Variants in SYNDIG1 observed in about 807,000 individuals in gnomAD.
SYNDIG1 encodes synapse differentiation-inducing gene protein 1.
A neutral mutation model predicts 19.4 loss-of-function variants in SYNDIG1; 9 were observed. That is an observed-to-expected ratio of 0.46 (90% CI 0.28 to 0.81). The LOEUF is 0.81. Ranked by LOEUF, SYNDIG1 falls within the 30% of genes least tolerant of loss-of-function variation. The pLI, the probability that SYNDIG1 is intolerant of heterozygous loss-of-function variation, is 0.12. For missense variants in SYNDIG1, 311 were observed against 343.3 expected (o/e 0.91, Z 0.74); for synonymous variants, 141 against 145.9 (o/e 0.97, Z 0.24).
chr20:24,489,701 C>T (rs1016662044), intron 1 of SYNDIG1, among the ~76,000 whole-genome samples: 1 of 152,240 alleles, frequency 6.6e-6, no homozygotes, highest in Non-Finnish European at 1.5e-5. Flanking sequence ...ACACTTATAA[C>T]CTGAACAGTA....
chr20:24,576,960 G>A (rs1250405803), intron 2 of SYNDIG1, among the ~76,000 whole-genome samples: 1 of 152,166 alleles, frequency 6.6e-6, no homozygotes, highest in Non-Finnish European at 1.5e-5. Context: ...TTAAAGTGGA[G>A]GGGTTTTGTC....
chr20:24,512,246 A>G (rs1427423575), intron 1 of SYNDIG1, among the ~76,000 whole-genome samples: 1 of 149,336 alleles, frequency 6.7e-6, no homozygotes, highest in Admixed American at 6.7e-5. Context: ...TGCATTTCCA[A>G]CTGAGGTACT....
chr20:24,590,699 G>A (rs1482371889), intron 3 of SYNDIG1, among the ~76,000 whole-genome samples: 1 of 152,148 alleles, frequency 6.6e-6, no homozygotes, highest in Non-Finnish European at 1.5e-5. Flanking sequence ...CACCTGCAGC[G>A]GGGCCTCTCA....
chr20:24,540,335 A>T (rs929208514), intron 1 of SYNDIG1, among the ~76,000 whole-genome samples: 1 of 152,082 alleles, frequency 6.6e-6, no homozygotes, highest in Non-Finnish European at 1.5e-5. Context: ...TATATGTGAG[A>T]TCATACTTCT....
At chr20:24,663,720 T>C (rs1006076811) in intron 3 of SYNDIG1, among the ~76,000 whole-genome samples, 1 of 152,200 alleles carries the variant, frequency 6.6e-6, no homozygotes, top group African/African-American at 2.4e-5. Context: ...AGGGAATGAA[T>C]GCTGCTGGCA....
chr20:24,639,098 A>G (rs1235236768), intron 3 of SYNDIG1, among the ~76,000 whole-genome samples: 3 of 152,194 alleles, frequency 2.0e-5, no homozygotes, highest in Non-Finnish European at 2.9e-5. Context: ...GGCCACACAC[A>G]TTATTATAAT....
At chr20:24,620,766 C>CGTATTT (rs2059025491) in intron 3 of SYNDIG1, among the ~76,000 whole-genome samples, 2 of 152,140 alleles carry the variant, frequency 1.3e-5, no homozygotes, top group Admixed American at 6.5e-5. Context: ...ATACACATAA[C>CGTATTT]GTATTTGTAT....
intron 1 of SYNDIG1, among the ~76,000 whole-genome samples, chr20:24,504,365 G>A (rs377279981): frequency 5.3e-5 from 8 of 152,224 alleles, no homozygotes; most frequent in South Asian, 2.1e-4. Context: ...CAATGAAGTC[G>A]CACATAATAA....
chr20:24,663,274 C>A (rs2059619322), intron 3 of SYNDIG1, among the ~76,000 whole-genome samples: 1 of 152,186 alleles, frequency 6.6e-6, no homozygotes, highest in Non-Finnish European at 1.5e-5. Context: ...ACACCACATT[C>A]CCTAGGTTTC....
At position 24,546,112 on chromosome 20, in the gene SYNDIG1, C is replaced by T. The variant is rs918915009; in HGVS notation, c.480+2535C>T. On this transcript the variant is annotated intron_variant, in intron 2 of 3. Transcript: ENST00000376862. ...CAAGGAGGATTTCAGAGCCTCACCACGGTGGTTAACTTCGTCCTTTTTCTC... is the reference window on the plus strand; with the variant it reads ...CAAGGAGGATTTCAGAGCCTCACCATGGTGGTTAACTTCGTCCTTTTTCTC... 3.9e-5 allele frequency among the ~76,000 whole-genome samples: 6 copies of T among 152,156 alleles called. No individual in the cohort carries two copies. In the South Asian group the frequency reaches 6.2e-4, roughly 16 times the overall value.
chr20:24,558,882 G>A (rs1295744227), intron 2 of SYNDIG1, among the ~76,000 whole-genome samples: 3 of 152,126 alleles, frequency 2.0e-5, no homozygotes, highest in South Asian at 4.1e-4. Context: ...AAATCCAACA[G>A]TAGTGTTACA....
At chr20:24,535,468 C>T (rs904539730) in intron 1 of SYNDIG1, among the ~76,000 whole-genome samples, 1 of 152,170 alleles carries the variant, frequency 6.6e-6, no homozygotes, top group Non-Finnish European at 1.5e-5. Context: ...TTTTAAATTA[C>T]ACATGTCTCT....
At chr20:24,623,176 CAA>C (rs56072016) in intron 3 of SYNDIG1, among the ~76,000 whole-genome samples, 1 of 140,662 alleles carries the variant, frequency 7.1e-6, no homozygotes, top group Non-Finnish European at 1.5e-5. Context: ...AAGACTCCGT[CAA>C]AAAAAAAAAA....
rs577183315 is a variant in SYNDIG1, at chr20:24,567,037, A to G, written c.481-17819A>G. On this transcript the variant is annotated intron_variant, in intron 2 of 3. Transcript: ENST00000376862. ...TGTAGCTCCTTATGGAAGCCCCAAG[A>G]TCACACCTGCCCTCTTCTTGTTGCT... Among the ~76,000 whole-genome samples, 3 of 152,294 alleles carry G rather than the reference A, an allele frequency of 2.0e-5. No homozygotes were observed. In the East Asian group the frequency reaches 5.8e-4, roughly 29 times the overall value.
chr20:24,640,696 A>T (rs2059368064), intron 3 of SYNDIG1, among the ~76,000 whole-genome samples: 1 of 152,210 alleles, frequency 6.6e-6, no homozygotes, highest in African/African-American at 2.4e-5. Context: ...CTAATATGTC[A>T]CCCATAATAC....
At chr20:24,630,984 C>T (rs1411370307) in intron 3 of SYNDIG1, among the ~76,000 whole-genome samples, 2 of 152,240 alleles carry the variant, frequency 1.3e-5, no homozygotes, top group African/African-American at 4.8e-5. Context: ...GCTGGCTTGG[C>T]TGCTGATGGA....
intron 3 of SYNDIG1, among the ~76,000 whole-genome samples, chr20:24,639,587 C>A (rs981256961): frequency 6.6e-6 from 1 of 152,146 alleles, no homozygotes. Context: ...ATTGAGTTGT[C>A]GGCGTGATGT....
intron 2 of SYNDIG1, 109 bp from the exon 3 acceptor site, chr20:24,584,747 C>T: frequency 6.7e-7 from 1 of 1,499,724 alleles, no homozygotes; most frequent in Admixed American, 1.8e-5. Context: ...CAGCTGCCTC[C>T]CGGGGAGGGC....
At chr20:24,605,323 T>C (rs892093815) in intron 3 of SYNDIG1, among the ~76,000 whole-genome samples, 3 of 152,304 alleles carry the variant, frequency 2.0e-5, no homozygotes, top group Middle Eastern at 3.4e-3. Flanking sequence ...TTGAAAAACA[T>C]TGCTAGAGGA....
Sources: gnomAD v4.1 joint callset for allele counts (sites outside exome capture counted in the v4.1 genomes callset) on GRCh38, gnomAD v4.1.1 for gene constraint, MANE v1.5 for transcripts, NCBI Gene and HGNC (gene_info 2026-07-23, HGNC 2026-07-21) for gene names.